The following TMEM214 variants were observed in gnomAD, a reference collection of about 807,000 sequenced individuals.
TMEM214 encodes transmembrane protein 214.
In TMEM214, 71 loss-of-function variants were observed where a neutral mutation model predicts 89.8. The ratio of observed to expected loss-of-function variants is 0.79; its 90% confidence interval spans 0.65 to 0.96. The LOEUF (loss-of-function observed/expected upper bound fraction) is 0.96, where lower values mean the gene tolerates loss of function less well. Among genes scored for constraint, TMEM214 ranks in the 40% least tolerant of loss-of-function variants. The probability of loss-of-function intolerance (pLI) is 0.00; values close to 1 mark genes in which losing one functional copy is unlikely to be tolerated. For missense variants in TMEM214, 754 were observed against 843.4 expected, an observed-to-expected ratio of 0.89 and a Z score of 1.31; for synonymous variants, 332 against 349.5, an observed-to-expected ratio of 0.95 and a Z score of 0.56.
intron 16 of TMEM214, 85 bp downstream of exon 16, chr2:27,040,581 C>T (rs1572797117): frequency 6.3e-7 from 1 of 1,586,398 alleles, no homozygotes; most frequent in Middle Eastern, 1.7e-4. Context: ...ATCCAGTCTC[C>T]CACACTGTCC....
Position 27,040,042 on chromosome 2 carries a change from G to C in TMEM214, c.1635G>C (p.Glu545Asp), listed in dbSNP as rs1667761689. Residue 545 changes from glutamate to aspartate, a missense_variant, in exon 15 of 17, where the codon GAG becomes GAC. Glu to Asp is a conservative substitution (Grantham distance 45). Coordinates refer to ENST00000238788, the MANE Select transcript of TMEM214 (RefSeq NM_017727.5). ...CCATCTTCCACAGCTGGCTGGGGGA[G>C]ACACTGCCGCTCTGGGGCTCCCACC... is the stretch of plus-strand genomic sequence containing the variant. ...YSLQGYSWLGETLPLWGSHLL... is the reference protein window; with the variant it reads ...YSLQGYSWLGDTLPLWGSHLL... The C allele has an allele frequency of 1.2e-6, 2 of 1,605,536 alleles. No individual in the cohort carries two copies. Among genetic ancestry groups the C allele is most frequent in the Non-Finnish European group, 1.7e-6 (2 of 1,179,246 alleles).
In TMEM214 at chr2:27,036,612, G is replaced by T; in HGVS notation, c.826+20G>T. The T allele has an allele frequency of 6.2e-7, 1 of 1,613,728 alleles. No individual in the cohort carries two copies. The highest frequency in any genetic ancestry group is 2.2e-5 in the East Asian group (1 of 44,886). ...TGAAAGGTAACAGGGAAATAGGGAA[G>T]AAAGAGGGAGGGTCTCGGAGCTGGA... On this transcript the variant is annotated intron_variant, in intron 6 of 16. Coordinates refer to ENST00000238788, the MANE Select transcript of TMEM214 (RefSeq NM_017727.5).
chr2:27,035,685 C>T lies in TMEM214; in HGVS notation c.594C>T (p.Asp198=). The T allele has an allele frequency of 1.2e-6, 2 of 1,614,176 alleles. No homozygotes were observed. Among genetic ancestry groups the T allele is most frequent in the Non-Finnish European group, 1.7e-6 (2 of 1,180,026 alleles). Residue 198 remains aspartate (D), a synonymous_variant, in exon 4 of 17, where the codon GAC becomes GAT. Transcript: ENST00000238788. ...KAAGSLELFF[D]HCLFTMLQEL... is the part of the protein sequence containing the mutation. ...CAGGGTCTCTGGAGCTCTTTTTTGA[C>T]CACTGTCTGTTCACCATGTTGCAAG...
In TMEM214 at chr2:27,037,185, C is replaced by T. The variant is rs374357508; in HGVS notation, c.1010+7C>T. ...ACAACTCCCTGACACCCAGGTAGGA[C>T]TGCTCTGGGGCACACCTGCTGAGAA... On this transcript the variant is annotated splice_region_variant and intron_variant, in intron 8 of 16. Coordinates refer to ENST00000238788, the MANE Select transcript of TMEM214 (RefSeq NM_017727.5). 26 of 1,606,310 alleles carry T rather than the reference C, an allele frequency of 1.6e-5. No individual in the cohort carries two copies. Among genetic ancestry groups the T allele is most frequent in the Non-Finnish European group, 2.2e-5 (26 of 1,173,074 alleles).
In TMEM214 at chr2:27,038,409, C is replaced by T. The variant is rs1667665592; in HGVS notation, c.1245-75C>T. The T allele has an allele frequency of 6.3e-7, 1 of 1,594,042 alleles. No individual in the cohort carries two copies. The highest frequency in any genetic ancestry group is 8.6e-7 in the Non-Finnish European group (1 of 1,163,546). ...GGAGGGTCTTTCAGCCTGAAGGAGC[C>T]AGGGCTAATGGAGGACAGGAGGATG... On this transcript the variant is annotated intron_variant, in intron 10 of 16. Coordinates refer to ENST00000238788, the MANE Select transcript of TMEM214 (RefSeq NM_017727.5). This position sits in a 1 kb window ranked among gnomAD's most constrained non-coding sequence, Gnocchi z 4.4.
At position 27,034,088 on chromosome 2, in the gene TMEM214, C is replaced by A; in HGVS notation, c.173C>A (p.Thr58Asn). ...DLTPAIQTTS[T>N]LYERGFENIM... ...CCAGCTGCAATCCAGACCACAAGCA[C>A]CCTTTATGAGCGGGGCTTTGAGAAT... is the stretch of plus-strand genomic sequence containing the variant. Residue 58 changes from threonine to asparagine, a missense_variant, in exon 2 of 17, where the codon ACC becomes AAC. Thr to Asn is a moderately conservative substitution (Grantham distance 65). Transcript: ENST00000238788. 1 of 1,614,102 alleles carries A rather than the reference C, an allele frequency of 6.2e-7. No individual in the cohort carries two copies. Among genetic ancestry groups the A allele is most frequent in the Non-Finnish European group, 8.5e-7 (1 of 1,180,010 alleles).
intron 2 of TMEM214, 70 bp downstream of exon 2, chr2:27,034,336 G>T: frequency 6.6e-7 from 1 of 1,518,114 alleles, no homozygotes; most frequent in Non-Finnish European, 9.0e-7. Flanking sequence ...AGAGGAGGGG[G>T]AGGTGGATGG....
rs368292615 is a variant in TMEM214, at chr2:27,038,696, C to T, written c.1294-6C>T. 24 of 1,613,430 alleles carry T rather than the reference C, an allele frequency of 1.5e-5. No homozygotes were observed. The Middle Eastern group carries it at 4.9e-4, about 33-fold the overall frequency. On this transcript the variant is annotated splice_polypyrimidine_tract_variant and splice_region_variant and intron_variant, in intron 11 of 16. Coordinates refer to ENST00000238788, the MANE Select transcript of TMEM214 (RefSeq NM_017727.5). The surrounding 1 kb of genome is among the most constrained non-coding windows in gnomAD (Gnocchi z 4.4). ...CCCTCACAGGCCAGACCTTTCTTGT[C>T]CATAGGTACAGAAGTCTTTGCAAGA...
At position 27,038,117 on chromosome 2, in the gene TMEM214, G is replaced by GC. The variant is rs763039649; in HGVS notation, c.1153-28dup. ...CGCCTCTGCCAGCCCCATGCCCCCA[G>GC]CAGCCTCTCCCTCTGTCGTGCTGTG... On this transcript the variant is annotated intron_variant, in intron 9 of 16. Coordinates refer to ENST00000238788, the MANE Select transcript of TMEM214 (RefSeq NM_017727.5). The surrounding 1 kb of genome is among the most constrained non-coding windows in gnomAD (Gnocchi z 4.4). 6.2e-7 allele frequency: 1 copy of GC among 1,613,986 alleles called. No homozygotes were observed. The highest frequency in any genetic ancestry group is 8.5e-7 in the Non-Finnish European group (1 of 1,179,986).
At chr2:27,036,388 C>G (rs1019822083) in intron 5 of TMEM214, 99 bp from the exon 6 acceptor site, 14 of 1,046,376 alleles carry the variant, frequency 1.3e-5, no homozygotes, top group Non-Finnish European at 1.9e-5. Context: ...TCGGCCTGTC[C>G]TCCCTCTTCC....
chr2:27,037,847 C>T (rs567146480), intron 9 of TMEM214, 145 bp downstream of exon 9: 6 of 1,568,950 alleles, frequency 3.8e-6, no homozygotes, highest in East Asian at 2.4e-5. Flanking sequence ...CCCGCTCACT[C>T]GAGCTTCACC....
rs1667662866 is a variant in TMEM214, at chr2:27,038,296, C to G, written c.1244+59C>G. On this transcript the variant is annotated intron_variant, in intron 10 of 16. Transcript: ENST00000238788. The surrounding 1 kb of genome is among the most constrained non-coding windows in gnomAD (Gnocchi z 4.4). ...CTAGAAGCAGAAGGGGAGCCTGGGT[C>G]ACTGTCCCATGGCCTGACACCTTTC... is the stretch of plus-strand genomic sequence containing the variant. 1.3e-6 allele frequency: 2 copies of G among 1,590,286 alleles called. No homozygotes were observed. Among genetic ancestry groups the G allele is most frequent in the African/African-American group, 2.7e-5 (2 of 74,478 alleles).
Position 27,038,380 on chromosome 2 carries a change from A to G in TMEM214, c.1245-104A>G. On this transcript the variant is annotated intron_variant, in intron 10 of 16. Transcript: ENST00000238788. This position sits in a 1 kb window ranked among gnomAD's most constrained non-coding sequence, Gnocchi z 4.4. ...AGGAAGCTGCTGCTCTGTGGGTGGT[A>G]GGTGGAGGGTCTTTCAGCCTGAAGG... is the stretch of plus-strand genomic sequence containing the variant. 2.6e-6 allele frequency: 4 copies of G among 1,545,156 alleles called. No individual in the cohort carries two copies. The East Asian group carries it at 9.0e-5, about 35-fold the overall frequency.
rs1463276038 is a variant in TMEM214, at chr2:27,038,069, G to A, written c.1153-77G>A. 6.2e-7 allele frequency: 1 copy of A among 1,612,366 alleles called. No individual in the cohort carries two copies. Among genetic ancestry groups the A allele is most frequent in the Admixed American group, 1.7e-5 (1 of 60,010 alleles). Reference sequence around the variant, plus strand: ...GCCTGGATGGCCTTGCTTACGGGAAGGGGATCACCTCTTAGCACTCCCCGC... The same window carrying A: ...GCCTGGATGGCCTTGCTTACGGGAAAGGGATCACCTCTTAGCACTCCCCGC... On this transcript the variant is annotated intron_variant, in intron 9 of 16. Coordinates refer to ENST00000238788, the MANE Select transcript of TMEM214 (RefSeq NM_017727.5). The surrounding 1 kb of genome is among the most constrained non-coding windows in gnomAD (Gnocchi z 4.4).
chr2:27,038,262 G>A lies in TMEM214; in HGVS notation c.1244+25G>A. Reference sequence around the variant, plus strand: ...GGCAGGTGGGGTGGGAGGCCAGCCTGTCCCTGTGCTAGAAGCAGAAGGGGA... The same window carrying A: ...GGCAGGTGGGGTGGGAGGCCAGCCTATCCCTGTGCTAGAAGCAGAAGGGGA... On this transcript the variant is annotated intron_variant, in intron 10 of 16. Transcript: ENST00000238788. The surrounding 1 kb of genome is among the most constrained non-coding windows in gnomAD (Gnocchi z 4.4). 1.2e-6 allele frequency: 2 copies of A among 1,609,622 alleles called. No homozygotes were observed. Among genetic ancestry groups the A allele is most frequent in the Non-Finnish European group, 1.7e-6 (2 of 1,176,336 alleles).
intron 2 of TMEM214, 117 bp from the exon 3 acceptor site, chr2:27,035,018 T>C (rs1667487050): frequency 8.9e-7 from 1 of 1,129,298 alleles, no homozygotes; most frequent in Non-Finnish European, 1.3e-6. Context: ...TGCTTAAAAA[T>C]GGAATCCCTT....
rs1319922413 is a variant in TMEM214 at position 27,038,570 on chromosome 2, C to A, written c.1293+38C>A. The A allele has an allele frequency of 6.2e-7, 1 of 1,613,376 alleles. No individual in the cohort carries two copies. Among genetic ancestry groups the A allele is most frequent in the Non-Finnish European group, 8.5e-7 (1 of 1,179,700 alleles). On this transcript the variant is annotated intron_variant, in intron 11 of 16. Coordinates refer to ENST00000238788, the MANE Select transcript of TMEM214 (RefSeq NM_017727.5). This position sits in a 1 kb window ranked among gnomAD's most constrained non-coding sequence, Gnocchi z 4.4. ...GAGGACGTGGCAGGTTGAGCCCTGT[C>A]TGGATTCTAGGTTCTGAGTGGGGGC... is the stretch of plus-strand genomic sequence containing the variant.
rs1438774949 is a variant in TMEM214 at position 27,038,202 on chromosome 2, G to A, written c.1209G>A (p.Trp403Ter). The stretch of plus-strand genomic sequence containing the variant: ...TGGACCCCCTCAGTGCCAGCGTCTG[G>A]AGGCAGCTGTACCCTAAGCACCTGT... ...LTVDPLSASV[W>*]RQLYPKHLSQ... The change falls in exon 10 of 17, where the codon TGG (tryptophan) becomes TGA (stop). Residue 403 changes from tryptophan to a stop codon, truncating the protein, a stop_gained. Coordinates refer to ENST00000238788, the MANE Select transcript of TMEM214 (RefSeq NM_017727.5). LOFTEE classifies it high-confidence loss of function. This position sits in a 1 kb window ranked among gnomAD's most constrained non-coding sequence, Gnocchi z 4.4. 8 of 1,614,150 alleles carry A rather than the reference G, an allele frequency of 5.0e-6. No individual in the cohort carries two copies. Among genetic ancestry groups the A allele is most frequent in the African/African-American group, 1.3e-5 (1 of 75,052 alleles).
In TMEM214 at chr2:27,038,343, G is replaced by A; in HGVS notation, c.1244+106G>A. ...TTTCAGGCTGAGTGGGAACATTGCT[G>A]GAGCAGCCTCTAGGAAGCTGCTGCT... is the stretch of plus-strand genomic sequence containing the variant. On this transcript the variant is annotated intron_variant, in intron 10 of 16. Coordinates refer to ENST00000238788, the MANE Select transcript of TMEM214 (RefSeq NM_017727.5). The surrounding 1 kb of genome is among the most constrained non-coding windows in gnomAD (Gnocchi z 4.4). The A allele has an allele frequency of 1.3e-6, 2 of 1,534,758 alleles. No individual in the cohort carries two copies. The highest frequency in any genetic ancestry group is 1.1e-5 in the South Asian group (1 of 88,782).
Sources: gnomAD v4.1 joint callset for allele counts on GRCh38, gnomAD v4.1.1 for gene constraint, Gnocchi (gnomAD v3.1) non-coding constraint, MANE v1.5 for transcripts, NCBI Gene and HGNC (gene_info 2026-07-23, HGNC 2026-07-21) for gene names.